Variants in IL4R observed in about 807,000 individuals in gnomAD.
IL4R encodes interleukin-4 receptor subunit alpha.
In IL4R, 17 loss-of-function variants were observed where a neutral mutation model predicts 41.5. The observed-to-expected ratio is 0.41, with a 90% CI of 0.28 to 0.61. The LOEUF (loss-of-function observed/expected upper bound fraction) is 0.61, where lower values mean the gene tolerates loss of function less well. IL4R is among the 20% of genes least tolerant of loss of function. The pLI, the probability that IL4R is intolerant of heterozygous loss-of-function variation, is 0.31. For synonymous variants in IL4R, 402 were observed against 422.9 expected, an observed-to-expected ratio of 0.95 and a Z score of 0.61; for missense variants, 974 against 1,043.1, an observed-to-expected ratio of 0.93 and a Z score of 0.91.
chr16:27,329,027 C>T (rs1208812319), intron 1 of IL4R, among the ~76,000 whole-genome samples: 3 of 152,194 alleles, frequency 2.0e-5, no homozygotes, highest in Non-Finnish European at 4.4e-5. Context: ...GAGGTGGGTC[C>T]TGGTGGGAGA....
Position 27,346,504 on chromosome 16 carries a change from C to G in IL4R, c.399C>G (p.Thr133=), listed in dbSNP as rs1567323512. The change falls in exon 6 of 11, where the codon ACC becomes ACG. Residue 133 remains threonine (T), a synonymous_variant. Coordinates refer to ENST00000395762, the MANE Select transcript of IL4R (RefSeq NM_000418.4). ...CCCCAGGAAACCTGACAGTTCACAC[C>G]AATGTCTCCGACACTCTGCTGCTGA... ...PRAPGNLTVH[T]NVSDTLLLTW... is the part of the protein sequence containing the mutation. 1.9e-6 allele frequency: 3 copies of G among 1,613,992 alleles called. No homozygotes were observed. The highest frequency in any genetic ancestry group is 2.5e-6 in the Non-Finnish European group (3 of 1,179,948).
At chr16:27,362,184 G>C in intron 10 of IL4R, 68 bp from the exon 11 acceptor site, 1 of 1,510,066 alleles carries the variant, frequency 6.6e-7, no homozygotes, top group Non-Finnish European at 9.1e-7. Flanking sequence ...TTCAGGCTGG[G>C]CTTTGAAGAA....
chr16:27,362,729 G>A lies in IL4R; in HGVS notation c.1377G>A (p.Trp459Ter). The A allele has an allele frequency of 1.9e-6, 3 of 1,614,022 alleles. No individual in the cohort carries two copies. Among genetic ancestry groups the A allele is most frequent in the Non-Finnish European group, 2.5e-6 (3 of 1,179,974 alleles). ...CAGGGCCCAAGGAGGCACCTCCCTG[G>A]GGCAAGGAGCAGCCTCTCCACCTGG... is the stretch of plus-strand genomic sequence containing the variant. Reference protein sequence around the residue: ...PSAGPKEAPPWGKEQPLHLEP... With the variant: ...PSAGPKEAPP The change falls in exon 11 of 11, where the codon TGG becomes TGA. Residue 459 changes from tryptophan (W) to a stop codon, truncating the protein, a stop_gained. Transcript: ENST00000395762. LOFTEE classifies it low-confidence loss of function (END_TRUNC).
Position 27,328,121 on chromosome 16 carries a change from A to C in IL4R, c.-151-1945A>C, listed in dbSNP as rs557565981. On this transcript the variant is annotated intron_variant, in intron 1 of 10. Coordinates refer to ENST00000395762, the MANE Select transcript of IL4R (RefSeq NM_000418.4). ...GCTACTCAGGAGGCTGAGGCAGGAG[A>C]ATCACTTGAACCCACGCGGAGGTTG... Among the ~76,000 whole-genome samples the C allele has an allele frequency of 3.3e-5, 5 of 149,670 alleles. No individual in the cohort carries two copies. The East Asian group carries it at 1.0e-3, about 31-fold the overall frequency.
intron 7 of IL4R, among the ~76,000 whole-genome samples, chr16:27,354,409 A>G (rs997141607): frequency 6.6e-6 from 1 of 152,220 alleles, no homozygotes; most frequent in African/African-American, 2.4e-5. Context: ...GAGAGAGTGT[A>G]CCTTGTGCAT....
intron 3 of IL4R, chr16:27,341,405 T>A (rs778501792): frequency 1.8e-6 from 1 of 558,644 alleles, no homozygotes; most frequent in Non-Finnish European, 3.2e-6. Flanking sequence ...CTCCTTAACA[T>A]GGTAAGCCCT....
intron 8 of IL4R, 80 bp from the exon 9 acceptor site, chr16:27,358,836 G>T: frequency 9.6e-7 from 1 of 1,036,622 alleles, no homozygotes; most frequent in South Asian, 1.3e-5. Context: ...ATAAGTATTG[G>T]TGATAACGAC....
chr16:27,359,945 G>T, intron 9 of IL4R: 1 of 394,082 alleles, frequency 2.5e-6, no homozygotes, highest in South Asian at 1.8e-5. Flanking sequence ...GCTGGGCTGG[G>T]CTGGGCTGGG....
At chr16:27,357,246 G>A (rs1364901560) in intron 8 of IL4R, among the ~76,000 whole-genome samples, 1 of 151,998 alleles carries the variant, frequency 6.6e-6, no homozygotes, top group African/African-American at 2.4e-5. Flanking sequence ...ATCCCAGCAT[G>A]CCAGCCTCTT....
chr16:27,349,581 G>A (rs1453334759), intron 6 of IL4R, among the ~76,000 whole-genome samples: 2 of 152,176 alleles, frequency 1.3e-5, no homozygotes, highest in Non-Finnish European at 2.9e-5. Context: ...AGGATTATGG[G>A]GTTGGGGGAT....
chr16:27,330,030 T>C (rs901394716), intron 1 of IL4R, 36 bp from the exon 2 acceptor site: 1 of 152,054 alleles, frequency 6.6e-6, no homozygotes, highest in Non-Finnish European at 1.5e-5. Context: ...ATTGGCTCTT[T>C]TCTTCATTTT....
intron 1 of IL4R, 33 bp downstream of exon 1, chr16:27,314,053 G>A (rs1299482852): frequency 2.0e-5 from 20 of 985,110 alleles, no homozygotes; most frequent in Non-Finnish European, 2.3e-5. Flanking sequence ...GGATCGGGTT[G>A]CGAAGGTATC....
At chr16:27,319,129 T>C (rs1038165901) in intron 1 of IL4R, among the ~76,000 whole-genome samples, 62 of 150,936 alleles carry the variant, frequency 4.1e-4, no homozygotes, top group Admixed American at 3.0e-3. Flanking sequence ...GAACAGAGAG[T>C]GCAAAGGCCC....
intron 2 of IL4R, among the ~76,000 whole-genome samples, chr16:27,338,586 T>C (rs992288250): frequency 4.6e-5 from 7 of 152,096 alleles, no homozygotes; most frequent in Admixed American, 1.3e-4. Flanking sequence ...CAAATTCATA[T>C]GTTGAAACTT....
intron 2 of IL4R, chr16:27,334,501 G>T (rs984996195): frequency 6.6e-6 from 1 of 152,132 alleles, no homozygotes; most frequent in Non-Finnish European, 1.5e-5. Flanking sequence ...TCTTGACAGG[G>T]TTGTTGACTC....
At chr16:27,340,492 G>A (rs2085406313) in intron 3 of IL4R, among the ~76,000 whole-genome samples, 1 of 152,184 alleles carries the variant, frequency 6.6e-6, no homozygotes, top group Non-Finnish European at 1.5e-5. Flanking sequence ...GGAGGCCGAG[G>A]CAGGAGGATC....
At chr16:27,325,942 T>C (rs1347063768) in intron 1 of IL4R, among the ~76,000 whole-genome samples, 2 of 152,164 alleles carry the variant, frequency 1.3e-5, no homozygotes, top group East Asian at 3.9e-4. Context: ...CCAATGGCTG[T>C]GGAATCATTC....
intron 7 of IL4R, among the ~76,000 whole-genome samples, chr16:27,354,391 G>C (rs2085982833): frequency 6.6e-6 from 1 of 152,208 alleles, no homozygotes; most frequent in Admixed American, 6.5e-5. Flanking sequence ...GAAAGGAAAG[G>C]CTGCTACGAG....
chr16:27,344,935 C>T lies in IL4R; in HGVS notation c.276C>T (p.Asp92=), dbSNP rs746241652. The change falls in exon 5 of 11, where the codon GAC becomes GAT. Residue 92 remains aspartate (D), a synonymous_variant. Transcript: ENST00000395762. The part of the protein sequence containing the change: ...AGCVCHLLMD[D]VVSADNYTLD... ...GCGTGTGCCACCTGCTCATGGATGA[C>T]GTGGTCAGTGCGGATAACTATACAC... is the stretch of plus-strand genomic sequence containing the variant. 1.4e-5 allele frequency: 23 copies of T among 1,614,010 alleles called. No individual in the cohort carries two copies. The highest frequency in any genetic ancestry group is 8.3e-5 in the Admixed American group (5 of 60,000).
Sources: allele counts gnomAD v4.1 joint callset (sites outside exome capture counted in the v4.1 genomes callset), GRCh38; gene constraint gnomAD v4.1.1; transcripts MANE v1.5; gene names NCBI Gene and HGNC (gene_info 2026-07-23, HGNC 2026-07-21).